RCAN2: variants seen among roughly 807,000 people sequenced by gnomAD.
RCAN2 encodes regulator of calcineurin 2, also known as calcipressin-2.
A neutral mutation model predicts 23.6 loss-of-function variants in RCAN2; 9 were observed. That is an observed-to-expected ratio of 0.38 (90% CI 0.23 to 0.67). RCAN2 has a LOEUF of 0.67. Ranked by LOEUF, RCAN2 falls within the 30% of genes least tolerant of loss-of-function variation. The pLI is 0.51. For synonymous variants in RCAN2, 109 were observed against 115.7 expected (o/e 0.94, Z 0.37); for missense variants, 273 against 302.3 (o/e 0.90, Z 0.72).
chr6:46,419,046 T>C (rs543703786), intron 2 of RCAN2, among the ~76,000 whole-genome samples: 1 of 152,018 alleles, frequency 6.6e-6, no homozygotes, highest in Non-Finnish European at 1.5e-5. Flanking sequence ...GAAAATAACA[T>C]AATTTGGCTA....
intron 2 of RCAN2, among the ~76,000 whole-genome samples, chr6:46,265,111 A>G (rs1027266698): frequency 3.3e-5 from 5 of 152,176 alleles, no homozygotes; most frequent in Non-Finnish European, 7.4e-5. Flanking sequence ...TGCATATCTC[A>G]TAGACCAGCA....
In RCAN2 at chr6:46,298,994, A is replaced by T. The variant is rs116263451; in HGVS notation, c.226-50098T>A. Among the ~76,000 whole-genome samples, 836 of 152,200 alleles carry T rather than the reference A, an allele frequency of 5.5e-3. 5 individuals carry two copies. Among genetic ancestry groups the T allele is most frequent in the African/African-American group, 0.019 (771 of 41,552 alleles). On this transcript the variant is annotated intron_variant, in intron 2 of 4. Transcript: ENST00000371374. Reference sequence around the variant, plus strand: ...AGCCAGAGGCCATTATCTTAAGGGAACTCATATAAGAATAGAAAACAAAAT... The same window carrying T: ...AGCCAGAGGCCATTATCTTAAGGGATCTCATATAAGAATAGAAAACAAAAT...
At chr6:46,256,409 A>AATAAAATAAG (rs1215832920) in intron 2 of RCAN2, among the ~76,000 whole-genome samples, 4 of 151,536 alleles carry the variant, frequency 2.6e-5, no homozygotes, top group Non-Finnish European at 5.9e-5. Context: ...AATAAAATAA[A>AATAAAATAAG]ATATGTTCCA....
intron 2 of RCAN2, among the ~76,000 whole-genome samples, chr6:46,425,646 A>G (rs1489397185): frequency 6.6e-6 from 1 of 152,164 alleles, no homozygotes; most frequent in Non-Finnish European, 1.5e-5. Context: ...ATTAAATTAC[A>G]GTTTGGAACT....
intron 2 of RCAN2, among the ~76,000 whole-genome samples, chr6:46,446,270 T>C (rs1455404488): frequency 2.9e-5 from 4 of 136,354 alleles, no homozygotes; most frequent in Non-Finnish European, 6.1e-5. Flanking sequence ...GATAATATAT[T>C]CAAAGTGATA....
intron 2 of RCAN2, among the ~76,000 whole-genome samples, chr6:46,249,112 A>G (rs572731492): frequency 6.6e-6 from 1 of 151,926 alleles, no homozygotes; most frequent in African/African-American, 2.4e-5. Flanking sequence ...TCTCTAGAGG[A>G]CCAGTGAATA....
intron 2 of RCAN2, among the ~76,000 whole-genome samples, chr6:46,280,352 G>C (rs79494917): frequency 0.019 from 2,879 of 152,196 alleles, 85 homozygotes; most frequent in African/African-American, 0.062. Flanking sequence ...ACTTTAATCT[G>C]TTGTAGCCAG....
Position 46,461,501 on chromosome 6 carries a change from T to C in RCAN2, c.-2-4523A>G, listed in dbSNP as rs556037547. On this transcript the variant is annotated intron_variant, in intron 1 of 4. Coordinates refer to ENST00000371374, the MANE Select transcript of RCAN2 (RefSeq NM_001251974.2). The stretch of plus-strand genomic sequence containing the variant: ...GAAAAGAGACATCTTCATGAAATAC[T>C]GGAAAGAGCCCTAAGGGAATACCTT... Among the ~76,000 whole-genome samples the C allele has an allele frequency of 5.9e-5, 9 of 152,214 alleles. No homozygotes were observed. The South Asian group carries it at 1.9e-3, about 32-fold the overall frequency.
intron 2 of RCAN2, among the ~76,000 whole-genome samples, chr6:46,361,839 A>G (rs2150383900): frequency 6.6e-6 from 1 of 152,302 alleles, no homozygotes; most frequent in Non-Finnish European, 1.5e-5. Context: ...CCTAAAGAGG[A>G]GTTTGCAGTT....
At chr6:46,422,627 A>C (rs1766915542) in intron 2 of RCAN2, among the ~76,000 whole-genome samples, 2 of 152,224 alleles carry the variant, frequency 1.3e-5, no homozygotes, top group Non-Finnish European at 1.5e-5. Flanking sequence ...AGCCAAATTT[A>C]GTTGAGAAAA....
chr6:46,371,767 A>G (rs565454572), intron 2 of RCAN2, among the ~76,000 whole-genome samples: 40 of 152,314 alleles, frequency 2.6e-4, no homozygotes, highest in African/African-American at 9.4e-4. Context: ...AATATGGGAA[A>G]GTGGATACAC....
intron 2 of RCAN2, among the ~76,000 whole-genome samples, chr6:46,440,794 T>G (rs1767517799): frequency 6.6e-6 from 1 of 152,130 alleles, no homozygotes; most frequent in African/African-American, 2.4e-5. Context: ...GTAAACAAAG[T>G]CTTCCTGGAA....
chr6:46,377,016 A>G (rs1205876503), intron 2 of RCAN2, among the ~76,000 whole-genome samples: 1 of 152,210 alleles, frequency 6.6e-6, no homozygotes, highest in Non-Finnish European at 1.5e-5. Flanking sequence ...GCTTTATCTC[A>G]GAATAAGTTG....
chr6:46,394,668 A>G (rs1480055128), intron 2 of RCAN2, among the ~76,000 whole-genome samples: 1 of 152,180 alleles, frequency 6.6e-6, no homozygotes, highest in African/African-American at 2.4e-5. Flanking sequence ...TTTTACCCTC[A>G]GTGAGATGGG....
chr6:46,469,225 C>T (rs185891660), intron 1 of RCAN2, among the ~76,000 whole-genome samples: 1 of 152,334 alleles, frequency 6.6e-6, no homozygotes, highest in East Asian at 1.9e-4. Flanking sequence ...CAGTTTCTCT[C>T]ACTATTGTCA....
intron 1 of RCAN2, among the ~76,000 whole-genome samples, chr6:46,490,391 A>G (rs1382139150): frequency 6.6e-6 from 1 of 152,226 alleles, no homozygotes; most frequent in African/African-American, 2.4e-5. Context: ...CAAAGCATGC[A>G]TTCTGCTATA....
chr6:46,299,605 G>C (rs1050434712), intron 2 of RCAN2, among the ~76,000 whole-genome samples: 1 of 151,862 alleles, frequency 6.6e-6, no homozygotes, highest in African/African-American at 2.4e-5. Context: ...CCCTTTTATA[G>C]ATGAAAACCT....
At chr6:46,416,582 A>G (rs1766720041) in intron 2 of RCAN2, among the ~76,000 whole-genome samples, 1 of 151,646 alleles carries the variant, frequency 6.6e-6, no homozygotes, top group Admixed American at 6.6e-5. Flanking sequence ...TGGCACAATC[A>G]TGGCTCACTG....
intron 1 of RCAN2, among the ~76,000 whole-genome samples, chr6:46,471,320 T>C (rs1216573985): frequency 1.3e-5 from 2 of 152,314 alleles, no homozygotes; most frequent in Admixed American, 1.3e-4. Context: ...AGTAGGAACC[T>C]ACTAAGAAAC....
Sources: allele counts gnomAD v4.1 joint callset (sites outside exome capture counted in the v4.1 genomes callset), GRCh38; gene constraint gnomAD v4.1.1; transcripts MANE v1.5; gene names NCBI Gene and HGNC (gene_info 2026-07-23, HGNC 2026-07-21).